The following CUL9 variants were observed in gnomAD, a reference collection of about 807,000 sequenced individuals.
CUL9 encodes cullin 9.
CUL9 carries 79 observed loss-of-function variants against 272.6 expected under a neutral mutation model. The ratio of observed to expected loss-of-function variants is 0.29; its 90% CI spans 0.24 to 0.35. The LOEUF is 0.35. Among genes scored for constraint, CUL9 ranks in the 10% least tolerant of loss-of-function variants. The pLI is 1.00. For missense variants in CUL9, 2,532 were observed against 3,255.6 expected (o/e 0.78, Z 5.41); for synonymous variants, 1,186 against 1,286.5 (o/e 0.92, Z 1.67).
At position 43,188,567 on chromosome 6, in the gene CUL9, G is replaced by A; in HGVS notation, c.2032G>A (p.Asp678Asn). The stretch of plus-strand genomic sequence containing the variant: ...GGGTCCCGGTCCTCGCAGCTCCCTG[G>A]ATCAGCATGTGGCAGCGGTCGTGGC... The part of the protein sequence containing the change: ...LRGPGPRSSL[D>N]QHVAAVVATV... Residue 678 changes from aspartate to asparagine, a missense_variant, in exon 8 of 41, where the codon GAT (aspartate) becomes AAT (asparagine). By Grantham distance (23) the Asp-to-Asn change is conservative (BLOSUM62 1). This residue lies in a region of CUL9 where 2,218 missense variants were observed against 2,788.6 expected (regional missense o/e 0.80). Transcript: ENST00000252050. 6.2e-7 allele frequency: 1 copy of A among 1,613,970 alleles called. No individual in the cohort carries two copies. Among genetic ancestry groups the A allele is most frequent in the Non-Finnish European group, 8.5e-7 (1 of 1,179,936 alleles).
intron 4 of CUL9, 125 bp from the exon 5 acceptor site, chr6:43,186,835 C>A: frequency 8.2e-7 from 1 of 1,212,922 alleles, no homozygotes; most frequent in East Asian, 2.4e-5. Context: ...CAGGCTTAGC[C>A]AGGTGTGTAT....
chr6:43,186,108 T>C lies in CUL9; in HGVS notation c.904T>C (p.Phe302Leu). The C allele has an allele frequency of 6.2e-7, 1 of 1,614,168 alleles. No individual in the cohort carries two copies. The highest frequency in any genetic ancestry group is 1.7e-5 in the Admixed American group (1 of 60,018). Residue 302 changes from phenylalanine to leucine, a missense_variant, in exon 4 of 41, where the codon TTC becomes CTC. By Grantham distance (22) the Phe-to-Leu change is conservative (BLOSUM62 0). Coordinates refer to ENST00000252050, the MANE Select transcript of CUL9 (RefSeq NM_015089.4). ...AAGCCGGGGACAGCGGGAACTGGAG[T>C]TCAGCATGGCTGTGGGCAACCTCAT... Reference protein sequence around the residue: ...EKSRGQRELEFSMAVGNLISE... With the variant: ...EKSRGQRELELSMAVGNLISE...
intron 26 of CUL9, among the ~76,000 whole-genome samples, chr6:43,211,195 C>G (rs1376138514): frequency 6.6e-6 from 1 of 152,158 alleles, no homozygotes; most frequent in Non-Finnish European, 1.5e-5. Flanking sequence ...CATTTGCCAC[C>G]ATGCCAATTG....
In CUL9 at chr6:43,186,948, C is replaced by T. The variant is rs1731528830; in HGVS notation, c.1252-12C>T. On this transcript the variant is annotated splice_polypyrimidine_tract_variant and intron_variant, in intron 4 of 40. Coordinates refer to ENST00000252050, the MANE Select transcript of CUL9 (RefSeq NM_015089.4). ...TCTCTATTCTGCTCTCTTTCTTCCT[C>T]CCTCATACCAGGTTTTCTGGCAGTC... The T allele has an allele frequency of 6.2e-7, 1 of 1,613,348 alleles. No homozygotes were observed. The highest frequency in any genetic ancestry group is 8.5e-7 in the Non-Finnish European group (1 of 1,179,540).
In CUL9 at chr6:43,205,260, C is replaced by T. The variant is rs375557480; in HGVS notation, c.4633-3C>T. 56 of 1,612,996 alleles carry T rather than the reference C, an allele frequency of 3.5e-5. No individual in the cohort carries two copies. The highest frequency in any genetic ancestry group is 4.7e-5 in the Non-Finnish European group (55 of 1,179,094). On this transcript the variant is annotated splice_region_variant and splice_polypyrimidine_tract_variant and intron_variant, in intron 23 of 40. Coordinates refer to ENST00000252050, the MANE Select transcript of CUL9 (RefSeq NM_015089.4). ...TTGCTCATGCCCTTTCCCCTGCCCCCAGATGAGTGAGCAGTTTGCCAGGTA... is the reference window on the plus strand; with the variant it reads ...TTGCTCATGCCCTTTCCCCTGCCCCTAGATGAGTGAGCAGTTTGCCAGGTA...
At chr6:43,201,670 G>T (rs146353143) in intron 16 of CUL9, among the ~76,000 whole-genome samples, 48 of 152,076 alleles carry the variant, frequency 3.2e-4, no homozygotes, top group African/African-American at 1.1e-3. Context: ...TAGTAGAGAC[G>T]GGGTTTCACC....
intron 35 of CUL9, 139 bp from the exon 36 acceptor site, chr6:43,222,177 C>A (rs1300007358): frequency 8.3e-6 from 6 of 724,764 alleles, no homozygotes; most frequent in African/African-American, 7.0e-5. Flanking sequence ...ATATGACCTA[C>A]TCCACACAGT....
In CUL9 at chr6:43,198,851, C is replaced by A. The variant is rs768554093; in HGVS notation, c.3046C>A (p.Leu1016Met). The A allele has an allele frequency of 6.2e-7, 1 of 1,613,090 alleles. No homozygotes were observed. Among genetic ancestry groups the A allele is most frequent in the Non-Finnish European group, 8.5e-7 (1 of 1,179,870 alleles). Residue 1016 changes from leucine to methionine, a missense_variant, in exon 12 of 41, where the codon CTG becomes ATG. This residue lies in a region of CUL9 where 2,218 missense variants were observed against 2,788.6 expected (regional missense o/e 0.80). Coordinates refer to ENST00000252050, the MANE Select transcript of CUL9 (RefSeq NM_015089.4). ...GPNKTLLLSV[L>M]RVITRLLDFP... ...CAACAAGACTCTGCTGCTGTCTGTG[C>A]TGAGGTGAGGGGCCTGTTGAGGCAC... is the stretch of plus-strand genomic sequence containing the variant.
In CUL9 at chr6:43,220,323, G is replaced by A. The variant is rs1380768373; in HGVS notation, c.6283-136G>A. ...AGAGGAGTCAGCATTGGTTGATCTA[G>A]AGGCAGGCTTGTTTCTGGCCTTCCA... On this transcript the variant is annotated intron_variant, in intron 31 of 40. Transcript: ENST00000252050. This position sits in a 1 kb window ranked among gnomAD's most constrained non-coding sequence, Gnocchi z 4.9. The A allele has an allele frequency of 3.0e-6, 3 of 989,018 alleles. No individual in the cohort carries two copies. Among genetic ancestry groups the A allele is most frequent in the Non-Finnish European group, 4.6e-6 (3 of 656,124 alleles). The allele number at this position is 989,018 out of a possible 1,614,324, so 61.3% of individuals were successfully genotyped here.
chr6:43,185,400 G>A, intron 2 of CUL9, 56 bp from the exon 3 acceptor site: 1 of 1,572,212 alleles, frequency 6.4e-7, no homozygotes, highest in Non-Finnish European at 8.7e-7. Context: ...TCTAGGAAAG[G>A]CAGGGAGAAA....
Position 43,221,006 on chromosome 6 carries a change from G to C in CUL9, c.6588+95G>C, listed in dbSNP as rs936532851. The C allele has an allele frequency of 6.7e-7, 1 of 1,484,360 alleles. No individual in the cohort carries two copies. The highest frequency in any genetic ancestry group is 2.5e-5 in the East Asian group (1 of 40,622). 91.9% of individuals were successfully genotyped at this position (1,484,360 alleles called of 1,614,324 possible). On this transcript the variant is annotated intron_variant, in intron 33 of 40. Coordinates refer to ENST00000252050, the MANE Select transcript of CUL9 (RefSeq NM_015089.4). This position sits in a 1 kb window ranked among gnomAD's most constrained non-coding sequence, Gnocchi z 4.2. ...CCGCCACACACACAGACTGTGACTTGTCCTTCCTCAGCCTCTGCCACCCAG... is the reference window on the plus strand; with the variant it reads ...CCGCCACACACACAGACTGTGACTTCTCCTTCCTCAGCCTCTGCCACCCAG...
In CUL9 at chr6:43,224,087, C is replaced by T. The variant is rs368673973; in HGVS notation, c.7285-8C>T. 2 of 1,613,964 alleles carry T rather than the reference C, an allele frequency of 1.2e-6. No homozygotes were observed. The highest frequency in any genetic ancestry group is 8.5e-7 in the Non-Finnish European group (1 of 1,179,828). On this transcript the variant is annotated splice_polypyrimidine_tract_variant and splice_region_variant and intron_variant, in intron 39 of 40. Coordinates refer to ENST00000252050, the MANE Select transcript of CUL9 (RefSeq NM_015089.4). The surrounding 1 kb of genome is among the most constrained non-coding windows in gnomAD (Gnocchi z 4.2). Reference sequence around the variant, plus strand: ...CCTCCTTCTCAAATCCTTCTGTCTGCTCACCAGGATTTCCGGGTTGGTCTT... The same window carrying T: ...CCTCCTTCTCAAATCCTTCTGTCTGTTCACCAGGATTTCCGGGTTGGTCTT...
In CUL9 at chr6:43,216,455, G is replaced by A. The variant is rs1775937335; in HGVS notation, c.6234G>A (p.Gly2078=). ...DHCPVCVSPL[G]CDDDLPSLCC... is the part of the protein sequence containing the mutation. ...GCCCCGTCTGTGTGAGCCCCCTGGG[G>A]TGTGACGACGACCTGCCCTCTCTCT... Residue 2078 remains glycine (G), a synonymous_variant, in exon 31 of 41, where the codon GGG becomes GGA. Transcript: ENST00000252050. The A allele has an allele frequency of 1.2e-6, 2 of 1,606,356 alleles. No individual in the cohort carries two copies. Among genetic ancestry groups the A allele is most frequent in the Admixed American group, 1.7e-5 (1 of 59,886 alleles).
intron 26 of CUL9, 168 bp from the exon 27 acceptor site, chr6:43,212,981 C>T (rs911046992): frequency 5.1e-5 from 37 of 722,216 alleles, no homozygotes; most frequent in Middle Eastern, 4.9e-4. Context: ...GGGAGGCAGG[C>T]GCAGGGAAGG....
intron 29 of CUL9, 121 bp from the exon 30 acceptor site, chr6:43,214,958 C>A (rs927928411): frequency 1.7e-6 from 2 of 1,194,104 alleles, no homozygotes; most frequent in African/African-American, 1.5e-5. Flanking sequence ...GCCTGGGTGA[C>A]AGAGCAAGAC....
Position 43,184,952 on chromosome 6 carries a change from C to T in CUL9, c.595+47C>T. ...AGGAAAGGAATGGAGAAAATGGGGCCACAGGGAATAAGAAAGAGGAGAGAT... is the reference window on the plus strand; with the variant it reads ...AGGAAAGGAATGGAGAAAATGGGGCTACAGGGAATAAGAAAGAGGAGAGAT... On this transcript the variant is annotated intron_variant, in intron 2 of 40. Transcript: ENST00000252050. This position sits in a 1 kb window ranked among gnomAD's most constrained non-coding sequence, Gnocchi z 4.8. 7.1e-7 allele frequency: 1 copy of T among 1,403,812 alleles called. No homozygotes were observed. Among genetic ancestry groups the T allele is most frequent in the Non-Finnish European group, 9.7e-7 (1 of 1,029,490 alleles). The allele number at this position is 1,403,812 out of a possible 1,614,324, so 87.0% of individuals were successfully genotyped here.
intron 8 of CUL9, among the ~76,000 whole-genome samples, chr6:43,189,735 G>A (rs1773269395): frequency 6.6e-6 from 1 of 151,912 alleles, no homozygotes; most frequent in African/African-American, 2.4e-5. Flanking sequence ...TAGAGACGGG[G>A]TTTCACCCTG....
rs369928027 is a variant in CUL9 at position 43,215,141 on chromosome 6, G to T, written c.5751G>T (p.Gly1917=). 1.5e-5 allele frequency: 24 copies of T among 1,614,010 alleles called. No homozygotes were observed. In the African/African-American group the frequency reaches 2.4e-4, roughly 16 times the overall value. ...GAACCCTGGGCCACACTGTTGCTGG[G>T]GGTGTGGCCTGTACCAGTACAGATG... ...PPGTLGHTVA[G]GVACTSTDVL... is the part of the protein sequence containing the mutation. Residue 1917 remains glycine, a synonymous_variant, in exon 30 of 41, where the codon GGG becomes GGT. Transcript: ENST00000252050.
intron 20 of CUL9, 84 bp from the exon 21 acceptor site, chr6:43,204,276 A>G (rs894188213): frequency 5.9e-6 from 9 of 1,519,854 alleles, no homozygotes; most frequent in Admixed American, 3.6e-5. Context: ...CTTTTTGTAC[A>G]ATTGATCTTT....
Sources: gnomAD v4.1 joint callset for allele counts (sites outside exome capture counted in the v4.1 genomes callset) on GRCh38, gnomAD v4.1.1 for gene constraint, gnomAD v4.1.1 regional missense constraint, Gnocchi (gnomAD v3.1) non-coding constraint, MANE v1.5 for transcripts, NCBI Gene and HGNC (gene_info 2026-07-23, HGNC 2026-07-21) for gene names.